GIGYF2: variants seen among roughly 807,000 people sequenced by gnomAD.
GIGYF2 encodes the protein GRB10 interacting GYF protein 2.
GIGYF2 carries 25 observed loss-of-function variants against 208.1 expected under a neutral mutation model. That is an observed-to-expected ratio of 0.12 (90% CI 0.09 to 0.17). The LOEUF (loss-of-function observed/expected upper bound fraction) is 0.17. Among genes scored for constraint, GIGYF2 ranks in the 10% least tolerant of loss-of-function variants. GIGYF2 has a pLI of 1.00. For synonymous variants in GIGYF2, 534 were observed against 543.8 expected (o/e 0.98, Z 0.25); for missense variants, 1,302 against 1,579.4 (o/e 0.82, Z 2.98).
chr2:232,794,607 A>T, intron 12 of GIGYF2, 141 bp from the exon 13 acceptor site: 1 of 732,106 alleles, frequency 1.4e-6, no homozygotes, highest in African/African-American at 1.7e-5. Flanking sequence ...ACGTTTCTCC[A>T]TAGAAGTAGC....
chr2:232,775,687 T>C (rs1463912422), intron 8 of GIGYF2, among the ~76,000 whole-genome samples: 1 of 152,230 alleles, frequency 6.6e-6, no homozygotes, highest in African/African-American at 2.4e-5. Context: ...GAATTCATTC[T>C]ACTCATTGGG....
intron 22 of GIGYF2, 149 bp downstream of exon 22, chr2:232,833,242 G>A (rs535937741): frequency 9.7e-5 from 32 of 329,446 alleles, no homozygotes; most frequent in Non-Finnish European, 1.4e-4. Flanking sequence ...TTGAGACTGG[G>A]TCTCACTCCC....
chr2:232,760,424 A>C, intron 6 of GIGYF2, 56 bp from the exon 7 acceptor site: 1 of 1,074,536 alleles, frequency 9.3e-7, no homozygotes, highest in Non-Finnish European at 1.4e-6. Flanking sequence ...ATGGTGGTGA[A>C]TGTGTGCCAC....
At chr2:232,702,156 T>A (rs1695875581) in intron 1 of GIGYF2, among the ~76,000 whole-genome samples, 1 of 152,084 alleles carries the variant, frequency 6.6e-6, no homozygotes, top group Admixed American at 6.6e-5. Flanking sequence ...TGAAAATAAC[T>A]GGCCGGGTGC....
Position 232,833,047 on chromosome 2 carries a change from G to A in GIGYF2, c.2720G>A (p.Arg907Gln), listed in dbSNP as rs751211363. ...RQRQQQQEAL[R>Q]RLQQQQQQQQ... Reference sequence around the variant, plus strand: ...AGGCAGCAGCAGCAAGAGGCTCTCCGGAGGTTGCAGCAGCAGCAGCAGCAA... The same window carrying A: ...AGGCAGCAGCAGCAAGAGGCTCTCCAGAGGTTGCAGCAGCAGCAGCAGCAA... The change falls in exon 22 of 29, where the codon CGG becomes CAG. Residue 907 changes from arginine to glutamine, a missense_variant. Arg to Gln is a conservative substitution (Grantham distance 43). Around this residue, in one of 8 missense-constraint regions of GIGYF2, gnomAD observed 701 missense variants for 793.0 expected, o/e 0.88. Transcript: ENST00000373563. 7 of 1,556,878 alleles carry A rather than the reference G, an allele frequency of 4.5e-6. No individual in the cohort carries two copies. Among genetic ancestry groups the A allele is most frequent in the Non-Finnish European group, 5.2e-6 (6 of 1,150,042 alleles).
At chr2:232,749,169 G>T in intron 5 of GIGYF2, 87 bp downstream of exon 5, 1 of 784,924 alleles carries the variant, frequency 1.3e-6, no homozygotes. Context: ...ATGCTCTAAG[G>T]ATTATCCTGC....
chr2:232,846,683 C>A (rs1702015709), intron 26 of GIGYF2, among the ~76,000 whole-genome samples: 1 of 152,214 alleles, frequency 6.6e-6, no homozygotes, highest in South Asian at 2.1e-4. Flanking sequence ...GTGTGCTAGG[C>A]ACTCTCTTGG....
chr2:232,794,894 A>G lies in GIGYF2; in HGVS notation c.1429A>G (p.Ser477Gly), dbSNP rs1433846821. ...AGTTGTAGGTGCTCCTGGTATGGGC[A>G]GTGTTTCCACAGAACCTGATGATGA... ...TPVVGAPGMG[S>G]VSTEPDDEEG... Residue 477 changes from serine to glycine, a missense_variant, in exon 13 of 29, where the codon AGT becomes GGT. Physicochemically the swap from Ser to Gly is moderately conservative, Grantham distance 56. Transcript: ENST00000373563. 2 of 1,614,036 alleles carry G rather than the reference A, an allele frequency of 1.2e-6. No individual in the cohort carries two copies. The highest frequency in any genetic ancestry group is 1.1e-5 in the South Asian group (1 of 91,084).
chr2:232,729,840 T>C, intron 2 of GIGYF2: 1 of 742,238 alleles, frequency 1.3e-6, no homozygotes. Flanking sequence ...GAAGGTGTTC[T>C]TCCCTTAGCC....
At position 232,859,233 on chromosome 2, in the gene GIGYF2, A is replaced by C. The variant is rs986434506; in HGVS notation, c.*2373A>C. 6.6e-6 allele frequency: 1 copy of C among 152,084 alleles called. No individual in the cohort carries two copies. The highest frequency in any genetic ancestry group is 2.4e-5 in the African/African-American group (1 of 41,390). The allele number at this position is 152,084 out of a possible 1,614,324, so 9.4% of individuals were successfully genotyped here. A position where few individuals can be genotyped will look rare whatever the true frequency, so the allele number is the denominator to read the frequency against. ...TCCCATTCTATGAACTTATTTCCAA[A>C]TTCTCCTAACTATTCCTGAGTTTTG... On this transcript the variant is annotated 3_prime_UTR_variant, in exon 29 of 29. Transcript: ENST00000373563.
intron 18 of GIGYF2, among the ~76,000 whole-genome samples, chr2:232,813,531 A>G (rs1048663900): frequency 1.3e-5 from 2 of 152,140 alleles, no homozygotes; most frequent in Admixed American, 6.5e-5. Context: ...CTTATGGTCT[A>G]AATACTTGCA....
intron 21 of GIGYF2, among the ~76,000 whole-genome samples, chr2:232,827,672 A>AT (rs1701291795): frequency 6.6e-6 from 1 of 151,986 alleles, no homozygotes; most frequent in African/African-American, 2.4e-5. Flanking sequence ...TTTGTTACTT[A>AT]TTTATCTTTT....
rs115472194 is a variant in GIGYF2, at chr2:232,817,339, A to G, written c.2370+307A>G. Among the ~76,000 whole-genome samples the G allele has an allele frequency of 3.6e-3, 546 of 152,344 alleles. 3 individuals are homozygous for G. The highest frequency in any genetic ancestry group is 0.013 in the African/African-American group (523 of 41,580). ...TGAGAAAGTAACTTTGATGTGCAGC[A>G]TTAAATGTCAAATTTTAAAAGTTAC... On this transcript the variant is annotated intron_variant, in intron 20 of 28. Transcript: ENST00000373563.
chr2:232,702,015 A>G (rs1021840703), intron 1 of GIGYF2, among the ~76,000 whole-genome samples: 1 of 152,068 alleles, frequency 6.6e-6, no homozygotes, highest in Non-Finnish European at 1.5e-5. Flanking sequence ...TTTTTAAAAA[A>G]TTAGCTGAGT....
At position 232,843,763 on chromosome 2, in the gene GIGYF2, G is replaced by T. The variant is rs186282489; in HGVS notation, c.2890-283G>T. Among the ~76,000 whole-genome samples the T allele has an allele frequency of 3.3e-5, 5 of 152,232 alleles. No individual in the cohort carries two copies. The East Asian group carries it at 9.7e-4, about 29-fold the overall frequency. On this transcript the variant is annotated intron_variant, in intron 23 of 28. Coordinates refer to ENST00000373563, the MANE Select transcript of GIGYF2 (RefSeq NM_001103146.3). ...TGTGGCTTGAACCTGGGAGGCGGAG[G>T]TTCCAGTGGGCTGAGAGTGTGCCAC...
intron 3 of GIGYF2, chr2:232,735,636 G>C (rs1697701172): frequency 1.2e-6 from 1 of 803,982 alleles, no homozygotes; most frequent in Non-Finnish European, 1.5e-6. Context: ...AGTTTTCATT[G>C]AAGTATTATT....
chr2:232,793,248 A>C (rs1700124990), intron 12 of GIGYF2, among the ~76,000 whole-genome samples: 1 of 152,168 alleles, frequency 6.6e-6, no homozygotes, highest in African/African-American at 2.4e-5. Context: ...CAGGGTATAG[A>C]CTATCTTGTG....
chr2:232,847,290 G>T (rs993663535), intron 26 of GIGYF2, 58 bp from the exon 27 acceptor site: 15 of 1,576,976 alleles, frequency 9.5e-6, no homozygotes, highest in Middle Eastern at 2.2e-4. Context: ...ACTGATTTTT[G>T]TAAGTTCTCT....
At chr2:232,725,680 G>A (rs1697165494) in intron 2 of GIGYF2, among the ~76,000 whole-genome samples, 1 of 152,172 alleles carries the variant, frequency 6.6e-6, no homozygotes, top group Admixed American at 6.5e-5. Flanking sequence ...TATTCCCAGA[G>A]CTTACTTCGC....
Sources: allele counts gnomAD v4.1 joint callset (sites outside exome capture counted in the v4.1 genomes callset), GRCh38; gene constraint gnomAD v4.1.1; regional missense constraint gnomAD v4.1.1; transcripts MANE v1.5; gene names NCBI Gene and HGNC (gene_info 2026-07-23, HGNC 2026-07-21).